The following FHIT variants were observed in gnomAD, a reference collection of about 807,000 sequenced individuals.
FHIT encodes fragile histidine triad diadenosine triphosphatase, also known as bis(5'-adenosyl)-triphosphatase.
FHIT carries 19 observed loss-of-function variants against 17.9 expected under a neutral mutation model. That is an observed-to-expected ratio of 1.06 (90% CI 0.74 to 1.56). FHIT has a LOEUF of 1.56. FHIT is among the 40% of genes most tolerant of loss of function. The pLI is 0.00. For missense variants in FHIT, 248 were observed against 189.2 expected (o/e 1.31, Z -1.82); for synonymous variants, 81 against 69.7 (o/e 1.16, Z -0.81).
rs556645983 is a variant in FHIT, at chr3:61,141,826, G to A, written c.-164+58791C>T. Among the ~76,000 whole-genome samples the A allele has an allele frequency of 7.3e-5, 11 of 151,664 alleles. 1 individual carries two copies. The South Asian group carries it at 1.2e-3, about 17-fold the overall frequency. ...TTTCTCAAAATCAGTTACCAAGTTC[G>A]TACCAGTTCCCAGCAATAGAATACT... is the stretch of plus-strand genomic sequence containing the variant. On this transcript the variant is annotated intron_variant, in intron 2 of 9. Coordinates refer to ENST00000492590, the MANE Select transcript of FHIT (RefSeq NM_002012.4).
intron 2 of FHIT, among the ~76,000 whole-genome samples, chr3:61,180,233 A>T (rs1419997141): frequency 4.6e-5 from 7 of 152,218 alleles, no homozygotes; most frequent in Non-Finnish European, 1.0e-4. Context: ...GTGCCCTGCA[A>T]ATTCCAGAAA....
At chr3:60,070,727 G>C (rs1056613392) in intron 5 of FHIT, among the ~76,000 whole-genome samples, 2 of 152,206 alleles carry the variant, frequency 1.3e-5, no homozygotes, top group Non-Finnish European at 2.9e-5. Flanking sequence ...TCAATATAAG[G>C]ATATAGTCCA....
At chr3:59,951,021 C>T (rs1707089452) in intron 7 of FHIT, among the ~76,000 whole-genome samples, 1 of 152,152 alleles carries the variant, frequency 6.6e-6, no homozygotes, top group East Asian at 1.9e-4. Flanking sequence ...TTGCTACATG[C>T]CAGGCTTTGT....
intron 7 of FHIT, among the ~76,000 whole-genome samples, chr3:59,989,990 C>G (rs532614115): frequency 2.6e-4 from 39 of 152,040 alleles, no homozygotes; most frequent in South Asian, 4.2e-4. Context: ...CTCAGCAAAG[C>G]CTTATTTTTA....
intron 5 of FHIT, among the ~76,000 whole-genome samples, chr3:60,134,964 G>A (rs2107279370): frequency 6.6e-6 from 1 of 151,998 alleles, no homozygotes. Context: ...GAGAAAGGTG[G>A]ACAGGAAAAA....
intron 8 of FHIT, among the ~76,000 whole-genome samples, chr3:59,867,320 T>C (rs1373031512): frequency 1.7e-4 from 25 of 151,012 alleles, no homozygotes; most frequent in Admixed American, 1.6e-3. Context: ...TTCTAAGAAG[T>C]TACTGAAGCA....
At chr3:61,124,285 T>G (rs1207858010) in intron 2 of FHIT, among the ~76,000 whole-genome samples, 1 of 152,154 alleles carries the variant, frequency 6.6e-6, no homozygotes, top group Non-Finnish European at 1.5e-5. Context: ...AAACTCTCTG[T>G]GGTGTAGGAC....
chr3:60,744,754 T>C (rs880000996), intron 4 of FHIT, among the ~76,000 whole-genome samples: 5 of 152,208 alleles, frequency 3.3e-5, no homozygotes, highest in Non-Finnish European at 7.3e-5. Flanking sequence ...GCTGTTCTGA[T>C]AGAGATTCAT....
At chr3:60,738,093 G>A (rs1372020605) in intron 4 of FHIT, among the ~76,000 whole-genome samples, 2 of 152,134 alleles carry the variant, frequency 1.3e-5, no homozygotes, top group Non-Finnish European at 2.9e-5. Flanking sequence ...ATAATCAGAA[G>A]GCAGCAAGGA....
intron 2 of FHIT, among the ~76,000 whole-genome samples, chr3:61,043,883 C>G (rs189224369): frequency 1.3e-5 from 2 of 152,160 alleles, no homozygotes; most frequent in Non-Finnish European, 2.9e-5. Flanking sequence ...GAGTGGACCT[C>G]CAGCAAACTC....
intron 3 of FHIT, among the ~76,000 whole-genome samples, chr3:60,860,863 T>C (rs1703758794): frequency 1.1e-5 from 1 of 93,814 alleles, no homozygotes; most frequent in South Asian, 3.0e-4. Flanking sequence ...TGAACATATG[T>C]ACATATATAT....
rs372884167 is a variant in FHIT, at chr3:59,793,163, TA to T, written c.349-40843del. Among the ~76,000 whole-genome samples, 67 of 152,254 alleles carry T rather than the reference TA, an allele frequency of 4.4e-4. No homozygotes were observed. The South Asian group carries it at 1.0e-2, about 23-fold the overall frequency. ...TTGCAAAGCCTTCCCCCTGACCCCTTAAAAATTCACCTACACTCAAGTTTTT... is the reference window on the plus strand; with the variant it reads ...TTGCAAAGCCTTCCCCCTGACCCCTTAAAATTCACCTACACTCAAGTTTTT... On this transcript the variant is annotated intron_variant, in intron 8 of 9. Transcript: ENST00000492590.
chr3:61,015,019 G>A (rs1310739597), intron 3 of FHIT, among the ~76,000 whole-genome samples: 1 of 151,464 alleles, frequency 6.6e-6, no homozygotes, highest in Admixed American at 6.6e-5. Context: ...AAAACAATGA[G>A]GTTACTAGAT....
chr3:60,098,819 G>A (rs9873291), intron 5 of FHIT, among the ~76,000 whole-genome samples: 40,523 of 151,748 alleles, frequency 0.27, 6,083 homozygotes, highest in Non-Finnish European at 0.35. Context: ...TATCAGTAAG[G>A]CTTCTGGTAA....
chr3:60,945,784 AGTGAAATAAG>A (rs1708612841), intron 3 of FHIT, among the ~76,000 whole-genome samples: 1 of 152,208 alleles, frequency 6.6e-6, no homozygotes. Context: ...CTCTTTCTCC[AGTGAAATAAG>A]AAGTGAGACA....
At chr3:60,277,384 A>C (rs1707199701) in intron 5 of FHIT, among the ~76,000 whole-genome samples, 1 of 152,198 alleles carries the variant, frequency 6.6e-6, no homozygotes, top group East Asian at 1.9e-4. Context: ...CAAGCTGCAG[A>C]CCCAGACAAG....
chr3:60,880,424 C>T (rs1704906238), intron 3 of FHIT, among the ~76,000 whole-genome samples: 1 of 152,176 alleles, frequency 6.6e-6, no homozygotes, highest in Non-Finnish European at 1.5e-5. Flanking sequence ...TAAGAAAACA[C>T]ACAAAAGTAT....
chr3:59,747,482 CAT>C lies in FHIT; in HGVS notation c.*2101_*2102del, dbSNP rs1326725345. 1.3e-5 allele frequency among the ~76,000 whole-genome samples: 2 copies of C among 152,110 alleles called. No homozygotes were observed. Among genetic ancestry groups the C allele is most frequent in the African/African-American group, 4.8e-5 (2 of 41,420 alleles). On this transcript the variant is annotated 3_prime_UTR_variant, in exon 10 of 10. Transcript: ENST00000492590. ...ACCTCCCACTGGGTCCCTCCCATGACATGTGGGGATTATGGGAGCTACAATTC... is the reference window on the plus strand; with the variant it reads ...ACCTCCCACTGGGTCCCTCCCATGACGTGGGGATTATGGGAGCTACAATTC...
chr3:59,808,455 C>A (rs1039338105), intron 8 of FHIT, among the ~76,000 whole-genome samples: 2 of 152,170 alleles, frequency 1.3e-5, no homozygotes, highest in Non-Finnish European at 2.9e-5. Context: ...ACAACCCCAC[C>A]TCTGCCAGTG....
Sources: gnomAD v4.1 joint callset for allele counts (sites outside exome capture counted in the v4.1 genomes callset) on GRCh38, gnomAD v4.1.1 for gene constraint, MANE v1.5 for transcripts, NCBI Gene and HGNC (gene_info 2026-07-23, HGNC 2026-07-21) for gene names.